AVL9: variants seen among roughly 807,000 people sequenced by gnomAD.
The protein encoded by AVL9 is AVL9 cell migration associated.
AVL9 carries 49 observed loss-of-function variants against 79.2 expected under a neutral mutation model. The ratio of observed to expected loss-of-function variants is 0.62; its 90% CI spans 0.49 to 0.79. AVL9 has a LOEUF of 0.79. AVL9 is among the 30% of genes least tolerant of loss of function. AVL9 has a pLI of 0.00. For synonymous variants in AVL9, 299 were observed against 280.6 expected (o/e 1.07, Z -0.65); for missense variants, 682 against 776.8 (o/e 0.88, Z 1.45).
At chr7:32,576,219 A>AT in intron 13 of AVL9, 147 bp downstream of exon 13, 1 of 621,498 alleles carries the variant, frequency 1.6e-6, no homozygotes, top group Non-Finnish European at 2.8e-6. Context: ...AAATATAGAG[A>AT]AACAGCTTAG....
chr7:32,536,638 A>G (rs935455715), intron 1 of AVL9: 2 of 152,128 alleles, frequency 1.3e-5, no homozygotes, highest in Non-Finnish European at 2.9e-5. Flanking sequence ...GTTAACATCA[A>G]ACTCTGTAAG....
rs191480309 is a variant in AVL9 at position 32,503,091 on chromosome 7, T to G, written c.93+7289T>G. On this transcript the variant is annotated intron_variant, in intron 1 of 15. Coordinates refer to ENST00000318709, the MANE Select transcript of AVL9 (RefSeq NM_015060.3). ...ATAACTGGTTTTGCTGATAGATGTT[T>G]TTTTCATTTGTTTCTGGTTCTTGGC... Among the ~76,000 whole-genome samples the G allele has an allele frequency of 7.6e-4, 116 of 152,146 alleles. 1 individual carries two copies. Among genetic ancestry groups the G allele is most frequent in the African/African-American group, 2.5e-3 (102 of 41,504 alleles).
chr7:32,536,228 G>T (rs905604552), intron 1 of AVL9: 3 of 152,214 alleles, frequency 2.0e-5, no homozygotes, highest in Admixed American at 1.3e-4. Flanking sequence ...AGCCATTCAT[G>T]TAAATGACAA....
chr7:32,546,547 C>T (rs529419550), intron 3 of AVL9, among the ~76,000 whole-genome samples: 1 of 152,158 alleles, frequency 6.6e-6, no homozygotes, highest in Non-Finnish European at 1.5e-5. Flanking sequence ...AGAGGCTGGA[C>T]CCCGGTGGCT....
At chr7:32,550,394 C>T (rs929813668) in intron 4 of AVL9, among the ~76,000 whole-genome samples, 1 of 152,136 alleles carries the variant, frequency 6.6e-6, no homozygotes, top group Non-Finnish European at 1.5e-5. Context: ...TTTTATCTGT[C>T]TCTAAAGCAG....
intron 1 of AVL9, among the ~76,000 whole-genome samples, chr7:32,515,744 T>C (rs1225957927): frequency 6.6e-6 from 1 of 152,200 alleles, no homozygotes; most frequent in Non-Finnish European, 1.5e-5. Context: ...AATCATATTG[T>C]TGGGTTTTTG....
At chr7:32,554,704 T>C in intron 8 of AVL9, 108 bp downstream of exon 8, 1 of 678,122 alleles carries the variant, frequency 1.5e-6, no homozygotes, top group East Asian at 3.2e-5. Flanking sequence ...AAGATACTTT[T>C]TGCCTATCAT....
At chr7:32,503,369 T>TAGAGAGAG (rs1237567459) in intron 1 of AVL9, among the ~76,000 whole-genome samples, 1 of 101,316 alleles carries the variant, frequency 9.9e-6, no homozygotes, top group Non-Finnish European at 1.9e-5. Context: ...GAGATATATA[T>TAGAGAGAG]ATATACACAC....
At chr7:32,579,430 A>ATATTATATATTATATATAATATAT (rs1554347971) in intron 13 of AVL9, among the ~76,000 whole-genome samples, 34 of 2,406 alleles carry the variant, frequency 0.014, 14 homozygotes, top group African/African-American at 0.04. Context: ...TATATATAAT[A>ATATTATATATTATATATAATATAT]TATATATTAT....
intron 1 of AVL9, among the ~76,000 whole-genome samples, chr7:32,516,227 C>T (rs1430518666): frequency 1.3e-5 from 2 of 152,160 alleles, no homozygotes; most frequent in African/African-American, 2.4e-5. Flanking sequence ...TGTGTACTGG[C>T]GGATGAGAGC....
intron 1 of AVL9, 125 bp downstream of exon 1, chr7:32,495,927 C>A (rs1482099329): frequency 1.8e-6 from 1 of 551,468 alleles, no homozygotes; most frequent in South Asian, 9.6e-5. Context: ...TGCGACCCTT[C>A]GCCTCTCAAC....
At chr7:32,512,382 A>G (rs903695729) in intron 1 of AVL9, among the ~76,000 whole-genome samples, 2 of 140,996 alleles carry the variant, frequency 1.4e-5, no homozygotes, top group South Asian at 2.4e-4. Context: ...GTGAATGCAC[A>G]TGATTAGAGA....
intron 1 of AVL9, among the ~76,000 whole-genome samples, chr7:32,503,365 T>TACACACACACACACACACACACACACAC (rs796351504): frequency 3.9e-5 from 4 of 103,104 alleles, no homozygotes; most frequent in Non-Finnish European, 5.7e-5. Context: ...TAGAGAGATA[T>TACACACACACACACACACACACACACAC]ATATATATAC....
At chr7:32,564,217 T>A (rs1005803297) in intron 10 of AVL9, among the ~76,000 whole-genome samples, 1 of 152,230 alleles carries the variant, frequency 6.6e-6, no homozygotes, top group Non-Finnish European at 1.5e-5. Context: ...AATATCAGTA[T>A]TAAATACGTG....
intron 1 of AVL9, chr7:32,534,231 T>A (rs1468008188): frequency 5.3e-5 from 8 of 152,208 alleles, no homozygotes; most frequent in Admixed American, 5.2e-4. Flanking sequence ...CTTAGTAATC[T>A]TGTAAATCTA....
At chr7:32,573,548 C>CTGGTAAACATA in intron 12 of AVL9, 130 bp downstream of exon 12, 1 of 779,626 alleles carries the variant, frequency 1.3e-6, no homozygotes. Context: ...TTCCCTCATA[C>CTGGTAAACATA]AAAGATAGCC....
rs1324644382 is a variant in AVL9 at position 32,559,030 on chromosome 7, T to C, written c.781T>C (p.Phe261Leu). 74 of 1,614,152 alleles carry C rather than the reference T, an allele frequency of 4.6e-5. No individual in the cohort carries two copies. The highest frequency in any genetic ancestry group is 6.2e-5 in the Non-Finnish European group (73 of 1,180,002). Residue 261 changes from phenylalanine to leucine, a missense_variant, in exon 10 of 16, where the codon TTT becomes CTT. By Grantham distance (22) the Phe-to-Leu change is conservative. Coordinates refer to ENST00000318709, the MANE Select transcript of AVL9 (RefSeq NM_015060.3). The part of the protein sequence containing the change: ...LQESNPCADD[F>L]VSASTADVSH... ...GGAAAGTAACCCATGTGCAGATGAT[T>C]TTGTTTCTGCATCCACTGCTGATGT...
At chr7:32,519,915 T>C (rs1788068405) in intron 1 of AVL9, among the ~76,000 whole-genome samples, 1 of 152,136 alleles carries the variant, frequency 6.6e-6, no homozygotes, top group African/African-American at 2.4e-5. Context: ...CATCTTCACA[T>C]GTGGAAGTGT....
chr7:32,503,406 A>ACACACACACACACACACACACACAC (rs1424274246), intron 1 of AVL9, among the ~76,000 whole-genome samples: 27 of 145,792 alleles, frequency 1.9e-4, no homozygotes, highest in East Asian at 4.1e-4. Flanking sequence ...ACACACACAC[A>ACACACACACACACACACACACACAC]AATTAGCCGG....
Sources: allele counts gnomAD v4.1 joint callset (sites outside exome capture counted in the v4.1 genomes callset), GRCh38; gene constraint gnomAD v4.1.1; transcripts MANE v1.5; gene names NCBI Gene and HGNC (gene_info 2026-07-23, HGNC 2026-07-21).